PTPN4: variants seen among roughly 807,000 people sequenced by gnomAD.
PTPN4 encodes protein tyrosine phosphatase non-receptor type 4.
A neutral mutation model predicts 135.5 loss-of-function variants in PTPN4; 49 were observed. That is an observed-to-expected ratio of 0.36 (90% CI 0.29 to 0.46). The LOEUF (loss-of-function observed/expected upper bound fraction) is 0.46. Among genes scored for constraint, PTPN4 ranks in the 20% least tolerant of loss-of-function variants. The probability of loss-of-function intolerance (pLI) is 1.00; values close to 1 mark genes in which losing one functional copy is unlikely to be tolerated. For synonymous variants in PTPN4, 333 were observed against 369.9 expected (o/e 0.90, Z 1.14); for missense variants, 860 against 1,101.0 (o/e 0.78, Z 3.10).
At chr2:119,906,772 C>T (rs1397107441) in intron 10 of PTPN4, among the ~76,000 whole-genome samples, 5 of 152,152 alleles carry the variant, frequency 3.3e-5, no homozygotes, top group Admixed American at 6.5e-5. Context: ...AGGATGCCCA[C>T]GCTGACCACT....
At chr2:119,778,783 C>T (rs773842519) in intron 1 of PTPN4, among the ~76,000 whole-genome samples, 3 of 152,050 alleles carry the variant, frequency 2.0e-5, no homozygotes, top group Non-Finnish European at 4.4e-5. Context: ...CTTATCAGGT[C>T]GGTAACAATT....
chr2:119,907,746 A>T (rs1281172745), intron 10 of PTPN4, among the ~76,000 whole-genome samples: 1 of 152,210 alleles, frequency 6.6e-6, no homozygotes, highest in Non-Finnish European at 1.5e-5. Flanking sequence ...TACTGGTATT[A>T]AAATAGACAC....
intron 13 of PTPN4, among the ~76,000 whole-genome samples, chr2:119,931,193 T>C (rs994040124): frequency 6.6e-6 from 1 of 152,076 alleles, no homozygotes; most frequent in African/African-American, 2.4e-5. Flanking sequence ...AGATGATTTA[T>C]TATATACTTT....
chr2:119,920,064 T>C lies in PTPN4; in HGVS notation c.829-5T>C. ...GTATTCTCTGCATTTTGTCATTTAT[T>C]ACAGCATGAATCTAGAGAAACATTA... is the stretch of plus-strand genomic sequence containing the variant. On this transcript the variant is annotated splice_polypyrimidine_tract_variant and splice_region_variant and intron_variant, in intron 11 of 26. Transcript: ENST00000263708. 1 of 1,598,988 alleles carries C rather than the reference T, an allele frequency of 6.3e-7. No individual in the cohort carries two copies. Among genetic ancestry groups the C allele is most frequent in the Non-Finnish European group, 8.5e-7 (1 of 1,173,874 alleles).
chr2:119,929,052 C>T (rs1051194896), intron 13 of PTPN4, among the ~76,000 whole-genome samples: 5 of 151,886 alleles, frequency 3.3e-5, no homozygotes, highest in Non-Finnish European at 7.4e-5. Context: ...GCCATGATTC[C>T]GTGAATAGTA....
intron 2 of PTPN4, among the ~76,000 whole-genome samples, chr2:119,838,959 T>A (rs1340025383): frequency 6.6e-6 from 1 of 152,192 alleles, no homozygotes; most frequent in African/African-American, 2.4e-5. Flanking sequence ...TTCTTACAGT[T>A]AAGTGTTGCC....
chr2:119,940,728 T>G (rs549414129), intron 15 of PTPN4, among the ~76,000 whole-genome samples: 1 of 152,324 alleles, frequency 6.6e-6, no homozygotes, highest in African/African-American at 2.4e-5. Flanking sequence ...TTTGTATTAG[T>G]GTCTAACAAG....
intron 1 of PTPN4, among the ~76,000 whole-genome samples, chr2:119,776,397 A>G (rs1207036534): frequency 6.6e-6 from 1 of 152,136 alleles, no homozygotes; most frequent in Non-Finnish European, 1.5e-5. Flanking sequence ...GATGGTCTCA[A>G]TCTCCTGACC....
intron 2 of PTPN4, among the ~76,000 whole-genome samples, chr2:119,859,491 A>T (rs1048898368): frequency 3.9e-5 from 6 of 152,288 alleles, no homozygotes; most frequent in African/African-American, 1.4e-4. Flanking sequence ...ATTACATTTC[A>T]AGATTTAACT....
intron 8 of PTPN4, among the ~76,000 whole-genome samples, chr2:119,885,307 A>T (rs185832458): frequency 3.9e-5 from 6 of 152,282 alleles, no homozygotes; most frequent in African/African-American, 1.4e-4. Context: ...GATTTAACAG[A>T]TATTACCCAG....
chr2:119,863,081 A>G (rs1677783692), intron 3 of PTPN4, among the ~76,000 whole-genome samples: 1 of 152,096 alleles, frequency 6.6e-6, no homozygotes, highest in African/African-American at 2.4e-5. Flanking sequence ...TTCATCAGAG[A>G]CCCTCACAAA....
intron 25 of PTPN4, 45 bp downstream of exon 25, chr2:119,965,690 C>G (rs779334675): frequency 1.5e-5 from 24 of 1,555,202 alleles, no homozygotes; most frequent in South Asian, 9.7e-5. Flanking sequence ...TGAACAGATA[C>G]GTCATTTTTA....
intron 5 of PTPN4, among the ~76,000 whole-genome samples, chr2:119,879,325 C>G (rs1678035696): frequency 6.6e-6 from 1 of 152,088 alleles, no homozygotes; most frequent in African/African-American, 2.4e-5. Context: ...AAATAACTGC[C>G]TGAAGCAGAA....
At chr2:119,918,721 A>G (rs553504303) in intron 11 of PTPN4, among the ~76,000 whole-genome samples, 1 of 152,230 alleles carries the variant, frequency 6.6e-6, no homozygotes, top group Non-Finnish European at 1.5e-5. Flanking sequence ...AGCTGAGCAT[A>G]TGTGTACAAC....
chr2:119,793,946 C>T (rs868196022), intron 1 of PTPN4, among the ~76,000 whole-genome samples: 32 of 132,606 alleles, frequency 2.4e-4, no homozygotes, highest in African/African-American at 8.8e-4. Context: ...GCCTCGAACT[C>T]CTGGGTTCAA....
intron 2 of PTPN4, among the ~76,000 whole-genome samples, chr2:119,844,358 C>A (rs1051458115): frequency 2.0e-5 from 3 of 147,710 alleles, no homozygotes; most frequent in African/African-American, 7.5e-5. Flanking sequence ...GACCCCCCCC[C>A]CCCACCTCCC....
intron 15 of PTPN4, among the ~76,000 whole-genome samples, chr2:119,939,158 A>G (rs1388696032): frequency 6.6e-6 from 1 of 152,222 alleles, no homozygotes; most frequent in Non-Finnish European, 1.5e-5. Context: ...AACTTTTAAT[A>G]TATTATCAAC....
chr2:119,788,701 A>T lies in PTPN4; in HGVS notation c.-17-21136A>T, dbSNP rs185464254. ...TATTTGTCATTTTGTTGACTGGCGT[A>T]TTTGACTTAGCATAATGTCTCAAGG... is the stretch of plus-strand genomic sequence containing the variant. On this transcript the variant is annotated intron_variant, in intron 1 of 26. Transcript: ENST00000263708. Among the ~76,000 whole-genome samples the T allele has an allele frequency of 3.9e-5, 6 of 152,310 alleles. No homozygotes were observed. The East Asian group carries it at 1.2e-3, about 29-fold the overall frequency.
At chr2:119,850,334 T>C (rs1393039235) in intron 2 of PTPN4, among the ~76,000 whole-genome samples, 1 of 152,228 alleles carries the variant, frequency 6.6e-6, no homozygotes, top group African/African-American at 2.4e-5. Flanking sequence ...ACATGGAATT[T>C]CTGCCCTATG....
Sources: gnomAD v4.1 joint callset for allele counts (sites outside exome capture counted in the v4.1 genomes callset) on GRCh38, gnomAD v4.1.1 for gene constraint, MANE v1.5 for transcripts, NCBI Gene and HGNC (gene_info 2026-07-23, HGNC 2026-07-21) for gene names.